The following CSMD1 variants were observed in gnomAD, a reference collection of about 807,000 sequenced individuals.
The protein encoded by CSMD1 is CUB and sushi domain-containing protein 1.
A neutral mutation model predicts 417.5 loss-of-function variants in CSMD1; 213 were observed. The ratio of observed to expected loss-of-function variants is 0.51; its 90% CI spans 0.46 to 0.57. The LOEUF (loss-of-function observed/expected upper bound fraction) is 0.57, where lower values mean the gene tolerates loss of function less well. Among genes scored for constraint, CSMD1 ranks in the 20% least tolerant of loss-of-function variants. CSMD1 has a pLI of 0.00. For synonymous variants in CSMD1, 2,862 were observed against 1,736.8 expected (o/e 1.65, Z -16.11); for missense variants, 6,923 against 4,529.7 (o/e 1.53, Z -15.17).
intron 2 of CSMD1, among the ~76,000 whole-genome samples, chr8:4,436,057 G>A (rs1362280859): frequency 1.3e-5 from 2 of 152,130 alleles, no homozygotes; most frequent in African/African-American, 2.4e-5. Context: ...ATCATTCACA[G>A]ATCTTATAAT....
chr8:4,863,440 C>A (rs1238632276), intron 1 of CSMD1, among the ~76,000 whole-genome samples: 2 of 152,066 alleles, frequency 1.3e-5, no homozygotes, highest in African/African-American at 4.8e-5. Flanking sequence ...GAGCATGAAT[C>A]CAGATTCTAG....
chr8:3,290,732 C>A (rs1015393857), intron 25 of CSMD1, among the ~76,000 whole-genome samples: 1 of 146,920 alleles, frequency 6.8e-6, no homozygotes, highest in Non-Finnish European at 1.5e-5. Context: ...TGGGCTGAGA[C>A]AATGGGGTTT....
intron 3 of CSMD1, among the ~76,000 whole-genome samples, chr8:4,355,630 A>G (rs1584948535): frequency 6.6e-6 from 1 of 152,248 alleles, no homozygotes; most frequent in Non-Finnish European, 1.5e-5. Context: ...TATTGCTTAC[A>G]GAAATCATTC....
At chr8:4,465,496 A>G (rs769021887) in intron 2 of CSMD1, among the ~76,000 whole-genome samples, 1 of 152,092 alleles carries the variant, frequency 6.6e-6, no homozygotes, top group African/African-American at 2.4e-5. Flanking sequence ...TCCTCCCAAG[A>G]GGTGACTTAA....
chr8:3,824,347 C>T (rs1306339839), intron 5 of CSMD1, among the ~76,000 whole-genome samples: 2 of 152,110 alleles, frequency 1.3e-5, no homozygotes, highest in Admixed American at 6.5e-5. Context: ...ATACTATGTG[C>T]AAAGTTTGTC....
At chr8:4,033,433 C>A (rs1207032157) in intron 3 of CSMD1, among the ~76,000 whole-genome samples, 1 of 152,200 alleles carries the variant, frequency 6.6e-6, no homozygotes, top group African/African-American at 2.4e-5. Context: ...CAGAGCGAGA[C>A]TCCGCCTCAA....
At chr8:4,417,784 T>A (rs1309706347) in intron 3 of CSMD1, among the ~76,000 whole-genome samples, 1 of 152,032 alleles carries the variant, frequency 6.6e-6, no homozygotes, top group Non-Finnish European at 1.5e-5. Flanking sequence ...TAATTCTACT[T>A]CATATACATA....
intron 10 of CSMD1, among the ~76,000 whole-genome samples, chr8:3,554,679 G>GT (rs770520386): frequency 1.8e-4 from 28 of 152,218 alleles, no homozygotes; most frequent in East Asian, 5.8e-4. Context: ...GCTTGTTAGA[G>GT]TTTTTTTTCT....
At chr8:4,178,111 G>A (rs1041168208) in intron 3 of CSMD1, among the ~76,000 whole-genome samples, 3 of 152,088 alleles carry the variant, frequency 2.0e-5, no homozygotes, top group Non-Finnish European at 4.4e-5. Flanking sequence ...ACCAAAGCCT[G>A]GCAGAGACAC....
chr8:3,044,534 C>A (rs575931808), intron 50 of CSMD1, among the ~76,000 whole-genome samples: 13 of 152,110 alleles, frequency 8.5e-5, no homozygotes, highest in African/African-American at 3.1e-4. Context: ...ACTGTTAAAC[C>A]CAGTCCGTTA....
At chr8:4,551,388 C>A (rs1218002296) in intron 2 of CSMD1, among the ~76,000 whole-genome samples, 1 of 152,180 alleles carries the variant, frequency 6.6e-6, no homozygotes, top group South Asian at 2.1e-4. Context: ...TAATTCTCCT[C>A]CCCACCAAAC....
intron 2 of CSMD1, among the ~76,000 whole-genome samples, chr8:4,582,985 G>T (rs916792127): frequency 6.6e-6 from 1 of 152,202 alleles, no homozygotes. Flanking sequence ...AGTGGCTGCG[G>T]ACGGTGTACT....
At chr8:4,223,925 A>G (rs934693299) in intron 3 of CSMD1, among the ~76,000 whole-genome samples, 4 of 152,200 alleles carry the variant, frequency 2.6e-5, no homozygotes, top group South Asian at 4.1e-4. Context: ...GACGGTTAAT[A>G]ACATCCAGGG....
intron 3 of CSMD1, among the ~76,000 whole-genome samples, chr8:4,141,255 T>C (rs1202587145): frequency 6.6e-6 from 1 of 151,162 alleles, no homozygotes; most frequent in East Asian, 1.9e-4. Flanking sequence ...ATAAGCTTGA[T>C]GCTGAAATTC....
intron 2 of CSMD1, among the ~76,000 whole-genome samples, chr8:4,626,827 C>G (rs1802146873): frequency 6.6e-6 from 1 of 152,120 alleles, no homozygotes; most frequent in African/African-American, 2.4e-5. Context: ...GTTAATACTC[C>G]AGGTTCTAAG....
intron 23 of CSMD1, among the ~76,000 whole-genome samples, chr8:3,331,435 C>T (rs1053672776): frequency 5.3e-5 from 8 of 152,106 alleles, no homozygotes; most frequent in African/African-American, 1.9e-4. Context: ...ACACAGAATG[C>T]TTATGATGTA....
intron 3 of CSMD1, among the ~76,000 whole-genome samples, chr8:4,122,901 G>T (rs1463444738): frequency 6.6e-6 from 1 of 152,146 alleles, no homozygotes; most frequent in Non-Finnish European, 1.5e-5. Context: ...TAATAGCTAC[G>T]AGACCCTTTA....
At chr8:4,476,844 A>C (rs1800827773) in intron 2 of CSMD1, among the ~76,000 whole-genome samples, 1 of 152,210 alleles carries the variant, frequency 6.6e-6, no homozygotes, top group South Asian at 2.1e-4. Context: ...ATTCCTTACG[A>C]AAAAAGCTTC....
intron 8 of CSMD1, among the ~76,000 whole-genome samples, chr8:3,599,794 T>A (rs1156695623): frequency 6.6e-6 from 1 of 152,202 alleles, no homozygotes; most frequent in Admixed American, 6.5e-5. Flanking sequence ...CAACTCCCAC[T>A]TCTTTCCTCC....
Sources: allele counts gnomAD v4.1 joint callset (sites outside exome capture counted in the v4.1 genomes callset), GRCh38; gene constraint gnomAD v4.1.1; transcripts MANE v1.5; gene names NCBI Gene and HGNC (gene_info 2026-07-23, HGNC 2026-07-21).